Variants in CDK5RAP2 observed in about 807,000 individuals in gnomAD.
The protein encoded by CDK5RAP2 is CDK5 regulatory subunit associated protein 2, also known as CDK5 regulatory subunit-associated protein 2.
CDK5RAP2 carries 147 observed loss-of-function variants against 232.9 expected under a neutral mutation model. The ratio of observed to expected loss-of-function variants is 0.63; its 90% CI spans 0.55 to 0.72. The LOEUF is 0.72. Ranked by LOEUF, CDK5RAP2 falls within the 30% of genes least tolerant of loss-of-function variation. The probability of loss-of-function intolerance (pLI) is 0.00; values close to 1 mark genes in which losing one functional copy is unlikely to be tolerated. For synonymous variants in CDK5RAP2, 833 were observed against 833.7 expected (o/e 1.00, Z 0.01); for missense variants, 2,195 against 2,231.5 (o/e 0.98, Z 0.33).
At chr9:120,490,430 C>T (rs1237380503) in intron 13 of CDK5RAP2, among the ~76,000 whole-genome samples, 1 of 152,186 alleles carries the variant, frequency 6.6e-6, no homozygotes, top group East Asian at 1.9e-4. Context: ...TTTAAGGTCT[C>T]CAGAGATCTC....
rs191390793 is a variant in CDK5RAP2 at position 120,481,557 on chromosome 9, G to T, written c.1627-4107C>A. ...AGATGGAGTCTCTCTCTGTCTCCCA[G>T]GCTAGAGTGCAGTGACGCACTCTCT... On this transcript the variant is annotated intron_variant, in intron 14 of 37. Coordinates refer to ENST00000349780, the MANE Select transcript of CDK5RAP2 (RefSeq NM_018249.6). 1.9e-3 allele frequency among the ~76,000 whole-genome samples: 265 copies of T among 142,788 alleles called. 1 individual carries two copies. Among genetic ancestry groups the T allele is most frequent in the African/African-American group, 6.7e-3 (255 of 38,176 alleles). The allele number at this position is 142,788 out of a possible 152,430, so 93.7% of individuals were successfully genotyped here. A position where few individuals can be genotyped will look rare whatever the true frequency, so the allele number is the denominator to read the frequency against.
chr9:120,533,923 G>A (rs1406121639), intron 7 of CDK5RAP2, among the ~76,000 whole-genome samples: 1 of 151,096 alleles, frequency 6.6e-6, no homozygotes, highest in African/African-American at 2.4e-5. Flanking sequence ...CTACCTTCTA[G>A]CCTGTTCTCC....
At chr9:120,418,231 T>C (rs1330894787) in intron 27 of CDK5RAP2, among the ~76,000 whole-genome samples, 1 of 152,144 alleles carries the variant, frequency 6.6e-6, no homozygotes, top group East Asian at 1.9e-4. Context: ...TAAGAGGGCA[T>C]CATAAGCCCA....
chr9:120,566,894 A>T (rs1259802632), intron 3 of CDK5RAP2, among the ~76,000 whole-genome samples: 1 of 152,246 alleles, frequency 6.6e-6, no homozygotes, highest in African/African-American at 2.4e-5. Flanking sequence ...TTCAATAAGC[A>T]GATAAAAGAT....
intron 34 of CDK5RAP2, among the ~76,000 whole-genome samples, chr9:120,402,254 C>T (rs575180163): frequency 6.6e-6 from 1 of 152,006 alleles, no homozygotes; most frequent in Non-Finnish European, 1.5e-5. Flanking sequence ...GCCATGATCG[C>T]GCCACTGCAC....
At chr9:120,481,291 T>C (rs2038291333) in intron 14 of CDK5RAP2, among the ~76,000 whole-genome samples, 1 of 152,116 alleles carries the variant, frequency 6.6e-6, no homozygotes, top group South Asian at 2.1e-4. Flanking sequence ...TTAAATATAA[T>C]GCATCTGGGT....
intron 6 of CDK5RAP2, among the ~76,000 whole-genome samples, chr9:120,537,773 G>A (rs372722557): frequency 6.6e-6 from 1 of 151,936 alleles, no homozygotes; most frequent in African/African-American, 2.4e-5. Flanking sequence ...TTACCTTCCT[G>A]TCTATAAAGA....
At chr9:120,389,900 C>T in intron 36 of CDK5RAP2, 113 bp from the exon 37 acceptor site, 1 of 924,038 alleles carries the variant, frequency 1.1e-6, no homozygotes, top group Non-Finnish European at 1.8e-6. Context: ...GACATGTAGA[C>T]AACACGAGGT....
chr9:120,579,789 G>T, intron 1 of CDK5RAP2, 131 bp downstream of exon 1: 1 of 722,180 alleles, frequency 1.4e-6, no homozygotes, highest in Non-Finnish European at 2.4e-6. Flanking sequence ...GACCCTCTCC[G>T]AAGGAACCCA....
rs151259479 is a variant in CDK5RAP2, at chr9:120,415,115, G to T, written c.4222C>A (p.Arg1408Ser). The change falls in exon 28 of 38, where the codon CGT becomes AGT. Residue 1408 changes from arginine (R) to serine (S), a missense_variant. Arg to Ser is a moderately radical substitution (Grantham distance 110). Transcript: ENST00000349780. ...HIQEIRTLRKRLEESIKTNEK... is the reference protein window; with the variant it reads ...HIQEIRTLRKSLEESIKTNEK... ...TTTGTTTTAATAGATTCTTCTAAACGCTTTCTCAAAGTTCGAATTTCCTGT... is the reference window on the plus strand; with the variant it reads ...TTTGTTTTAATAGATTCTTCTAAACTCTTTCTCAAAGTTCGAATTTCCTGT... 1 of 1,613,912 alleles carries T rather than the reference G, an allele frequency of 6.2e-7. No individual in the cohort carries two copies. The highest frequency in any genetic ancestry group is 1.3e-5 in the African/African-American group (1 of 75,046).
intron 36 of CDK5RAP2, among the ~76,000 whole-genome samples, chr9:120,393,993 A>AC (rs1049721180): frequency 1.3e-5 from 2 of 151,644 alleles, no homozygotes; most frequent in Non-Finnish European, 2.9e-5. Context: ...GTACTCCCTG[A>AC]CCCCCAATCC....
Position 120,491,291 on chromosome 9 carries a change from A to G in CDK5RAP2, c.1482+16T>C. 6.2e-7 allele frequency: 1 copy of G among 1,602,364 alleles called. No homozygotes were observed. Among genetic ancestry groups the G allele is most frequent in the Non-Finnish European group, 8.5e-7 (1 of 1,170,478 alleles). On this transcript the variant is annotated intron_variant, in intron 13 of 37. Transcript: ENST00000349780. ...CCATGCCAAATTAAAAAATTTAAAT[A>G]CAAAAGTTACAGTACCTGAAGCAAC...
At position 120,471,837 on chromosome 9, in the gene CDK5RAP2, A is replaced by G. The variant is rs774563937; in HGVS notation, c.1769T>C (p.Leu590Pro). The change falls in exon 16 of 38, where the codon CTG (leucine) becomes CCG (proline). Residue 590 changes from leucine to proline, a missense_variant. Transcript: ENST00000349780. Reference sequence around the variant, plus strand: ...CACATCCTGCTCCAGTTGCTTCCGCAGGGCAAAAATCTTGTTTAACTCAGC... The same window carrying G: ...CACATCCTGCTCCAGTTGCTTCCGCGGGGCAAAAATCTTGTTTAACTCAGC... Reference protein sequence around the residue: ...LQAELNKIFALRKQLEQDVLS... With the variant: ...LQAELNKIFAPRKQLEQDVLS... The G allele has an allele frequency of 6.8e-6, 11 of 1,613,980 alleles. No homozygotes were observed. Among genetic ancestry groups the G allele is most frequent in the Middle Eastern group, 3.3e-4 (2 of 6,084 alleles).
chr9:120,415,458 C>T (rs962810248), intron 27 of CDK5RAP2, among the ~76,000 whole-genome samples: 2 of 152,142 alleles, frequency 1.3e-5, no homozygotes, highest in Non-Finnish European at 2.9e-5. Flanking sequence ...TTCCAAATAT[C>T]AAATATTAAT....
chr9:120,426,334 T>C (rs1386705644), intron 25 of CDK5RAP2, among the ~76,000 whole-genome samples: 10 of 152,210 alleles, frequency 6.6e-5, no homozygotes, highest in Non-Finnish European at 1.3e-4. Context: ...CTTGGTTTTA[T>C]ATGTTTTAGG....
chr9:120,546,191 A>G (rs1357691295), intron 4 of CDK5RAP2, among the ~76,000 whole-genome samples: 1 of 152,196 alleles, frequency 6.6e-6, no homozygotes, highest in African/African-American at 2.4e-5. Flanking sequence ...ACAATCATGC[A>G]TGTGGTGGAT....
chr9:120,551,032 T>C (rs1048308011), intron 3 of CDK5RAP2, 130 bp from the exon 4 acceptor site: 3 of 686,736 alleles, frequency 4.4e-6, no homozygotes, highest in African/African-American at 3.5e-5. Context: ...TAGAGAAAGC[T>C]TATTTTTGCT....
intron 14 of CDK5RAP2, among the ~76,000 whole-genome samples, chr9:120,480,247 G>A (rs1352741662): frequency 2.0e-5 from 3 of 152,042 alleles, no homozygotes; most frequent in East Asian, 1.9e-4. Context: ...TACCACCTAC[G>A]ACAGGGGTTT....
chr9:120,470,062 C>T, intron 17 of CDK5RAP2, 49 bp downstream of exon 17: 1 of 945,126 alleles, frequency 1.1e-6, no homozygotes, highest in Non-Finnish European at 1.7e-6. Flanking sequence ...ATACAACAAA[C>T]AATCTAACAA....
Sources: allele counts gnomAD v4.1 joint callset (sites outside exome capture counted in the v4.1 genomes callset), GRCh38; gene constraint gnomAD v4.1.1; transcripts MANE v1.5; gene names NCBI Gene and HGNC (gene_info 2026-07-23, HGNC 2026-07-21).